The following ARHGAP24 variants were observed in gnomAD, a reference collection of about 807,000 sequenced individuals.
ARHGAP24 encodes Rho GTPase activating protein 24.
In ARHGAP24, 50 loss-of-function variants were observed where a neutral mutation model predicts 76.4. The ratio of observed to expected loss-of-function variants is 0.65; its 90% CI spans 0.52 to 0.83. The LOEUF is 0.83. Ranked by LOEUF, ARHGAP24 falls within the 40% of genes least tolerant of loss-of-function variation. The probability of loss-of-function intolerance (pLI) is 0.00; values close to 1 mark genes in which losing one functional copy is unlikely to be tolerated. For synonymous variants in ARHGAP24, 345 were observed against 323.3 expected, an observed-to-expected ratio of 1.07 and a Z score of -0.72; for missense variants, 930 against 914.2, an observed-to-expected ratio of 1.02 and a Z score of -0.22.
At chr4:85,557,264 G>A (rs922483146) in intron 1 of ARHGAP24, among the ~76,000 whole-genome samples, 1 of 151,950 alleles carries the variant, frequency 6.6e-6, no homozygotes, top group African/African-American at 2.4e-5. Flanking sequence ...TGTGGATTTG[G>A]TTCCTTTCCT....
chr4:85,762,868 C>A (rs867472122), intron 3 of ARHGAP24, among the ~76,000 whole-genome samples: 1 of 152,258 alleles, frequency 6.6e-6, no homozygotes, highest in Middle Eastern at 3.4e-3. Flanking sequence ...CTTAGAAATG[C>A]TATTTTCTTT....
At chr4:85,712,311 A>T (rs1378889952) in intron 2 of ARHGAP24, among the ~76,000 whole-genome samples, 1 of 152,118 alleles carries the variant, frequency 6.6e-6, no homozygotes. Context: ...ATTCTCCCCA[A>T]AAATGATTGA....
At chr4:85,840,017 C>T (rs1578283321) in intron 3 of ARHGAP24, among the ~76,000 whole-genome samples, 4 of 116,028 alleles carry the variant, frequency 3.4e-5, no homozygotes, top group African/African-American at 6.5e-5. Flanking sequence ...GCCTGGCTAA[C>T]TTTTTTTTTT....
At position 85,758,421 on chromosome 4, in the gene ARHGAP24, A is replaced by C. The variant is rs371068752; in HGVS notation, c.268+36449A>C. Among the ~76,000 whole-genome samples, 9 of 152,254 alleles carry C rather than the reference A, an allele frequency of 5.9e-5. No homozygotes were observed. In the South Asian group the frequency reaches 1.7e-3, roughly 28 times the overall value. ...TCTAGTAAGCAGGGGTGACTTGTAG[A>C]CAATAGATGGCAGGTAAGGAGGTGC... On this transcript the variant is annotated intron_variant, in intron 3 of 9. Transcript: ENST00000395184.
At chr4:85,974,826 C>A in intron 6 of ARHGAP24, 62 bp from the exon 7 acceptor site, 1 of 1,516,676 alleles carries the variant, frequency 6.6e-7, no homozygotes, top group Non-Finnish European at 9.1e-7. Flanking sequence ...GCCATTTCGA[C>A]TTGCTTTAAT....
intron 3 of ARHGAP24, among the ~76,000 whole-genome samples, chr4:85,785,503 G>GT (rs1307305352): frequency 6.7e-6 from 1 of 150,156 alleles, no homozygotes; most frequent in African/African-American, 2.5e-5. Flanking sequence ...GTTTTGTTTT[G>GT]TTTTTTTAAG....
At chr4:85,494,488 C>T (rs952076999) in intron 1 of ARHGAP24, among the ~76,000 whole-genome samples, 7 of 151,776 alleles carry the variant, frequency 4.6e-5, no homozygotes, top group African/African-American at 1.7e-4. Context: ...AGATCGAGAC[C>T]ATCCTGGCCA....
intron 2 of ARHGAP24, among the ~76,000 whole-genome samples, chr4:85,698,667 G>T (rs1408987064): frequency 1.3e-5 from 2 of 152,116 alleles, no homozygotes; most frequent in Non-Finnish European, 2.9e-5. Flanking sequence ...TGAAACCAGG[G>T]CGCCAACATG....
intron 2 of ARHGAP24, among the ~76,000 whole-genome samples, chr4:85,710,874 C>T (rs989495558): frequency 6.6e-5 from 10 of 151,844 alleles, no homozygotes; most frequent in African/African-American, 2.4e-4. Context: ...ACAGAACTAC[C>T]ATTTGACCCA....
intron 2 of ARHGAP24, among the ~76,000 whole-genome samples, chr4:85,689,107 A>G (rs893233949): frequency 2.0e-5 from 3 of 152,188 alleles, no homozygotes; most frequent in Admixed American, 6.5e-5. Context: ...GTTTGATAGG[A>G]AATGCACTGA....
intron 5 of ARHGAP24, among the ~76,000 whole-genome samples, chr4:85,960,874 C>T (rs1365552637): frequency 1.3e-5 from 2 of 152,094 alleles, no homozygotes; most frequent in Admixed American, 6.6e-5. Context: ...AGGACCAGTA[C>T]CTTTATTTGT....
intron 1 of ARHGAP24, among the ~76,000 whole-genome samples, chr4:85,532,000 C>A (rs574353218): frequency 6.6e-6 from 1 of 152,174 alleles, no homozygotes; most frequent in African/African-American, 2.4e-5. Context: ...ATTTGAAGGT[C>A]AGATAAAACT....
intron 3 of ARHGAP24, among the ~76,000 whole-genome samples, chr4:85,754,269 TG>T (rs1436647603): frequency 6.6e-6 from 1 of 152,248 alleles, no homozygotes; most frequent in Admixed American, 6.5e-5. Context: ...TTCATTCTTT[TG>T]TATGGGTGAA....
intron 2 of ARHGAP24, among the ~76,000 whole-genome samples, chr4:85,584,447 T>TG (rs1727757612): frequency 1.9e-5 from 1 of 51,844 alleles, no homozygotes; most frequent in African/African-American, 7.3e-5. Flanking sequence ...GTTGTGGGGT[T>TG]GGGGGAGGGG....
At chr4:85,639,930 C>T (rs888791162) in intron 2 of ARHGAP24, among the ~76,000 whole-genome samples, 4 of 152,050 alleles carry the variant, frequency 2.6e-5, no homozygotes, top group African/African-American at 9.7e-5. Flanking sequence ...ATAAATAAAG[C>T]AATTTCTGTG....
chr4:85,480,028 ACTCT>A (rs1300300538), intron 1 of ARHGAP24, among the ~76,000 whole-genome samples: 1 of 152,006 alleles, frequency 6.6e-6, no homozygotes, highest in Non-Finnish European at 1.5e-5. Flanking sequence ...AGTTTTCTAA[ACTCT>A]CTATCTATAT....
intron 2 of ARHGAP24, among the ~76,000 whole-genome samples, chr4:85,700,361 A>C (rs1407411188): frequency 2.7e-5 from 4 of 150,636 alleles, no homozygotes; most frequent in African/African-American, 9.8e-5. Context: ...ATGCCACTGC[A>C]CACCTGCCTG....
intron 2 of ARHGAP24, among the ~76,000 whole-genome samples, chr4:85,572,878 T>C (rs961897655): frequency 1.8e-4 from 26 of 143,686 alleles, no homozygotes; most frequent in East Asian, 7.8e-4. Context: ...TTCTTTCTTT[T>C]TTTTTTTTTT....
intron 3 of ARHGAP24, among the ~76,000 whole-genome samples, chr4:85,831,639 C>T (rs1729997791): frequency 6.6e-6 from 1 of 152,164 alleles, no homozygotes; most frequent in Non-Finnish European, 1.5e-5. Context: ...CCGTGGCTCA[C>T]ACCTGTAACC....
Sources: allele counts gnomAD v4.1 joint callset (sites outside exome capture counted in the v4.1 genomes callset), GRCh38; gene constraint gnomAD v4.1.1; transcripts MANE v1.5; gene names NCBI Gene and HGNC (gene_info 2026-07-23, HGNC 2026-07-21).